Variants in BBX observed in about 807,000 individuals in gnomAD.
BBX encodes the protein BBX high mobility group box domain containing.
Under a neutral mutation model 100.2 loss-of-function variants are expected in BBX, and 30 were observed. The ratio of observed to expected loss-of-function variants is 0.30; its 90% CI spans 0.22 to 0.41. The LOEUF is 0.41. Among genes scored for constraint, BBX ranks in the 10% least tolerant of loss-of-function variants. The pLI is 1.00. For synonymous variants in BBX, 376 were observed against 388.1 expected, an observed-to-expected ratio of 0.97 and a Z score of 0.37; for missense variants, 1,023 against 1,129.8, an observed-to-expected ratio of 0.91 and a Z score of 1.35.
At chr3:107,560,750 G>T (rs1304413828) in intron 2 of BBX, among the ~76,000 whole-genome samples, 1 of 152,172 alleles carries the variant, frequency 6.6e-6, no homozygotes, top group South Asian at 2.1e-4. Flanking sequence ...TCCAGCTTAA[G>T]CTAGTACAAA....
Position 107,798,603 on chromosome 3 carries a change from CCAA to C in BBX, c.2442_2444del (p.Thr815del), listed in dbSNP as rs749994189. On this transcript the variant is annotated inframe_deletion, in exon 16 of 18. Coordinates refer to ENST00000325805, the MANE Select transcript of BBX (RefSeq NM_001142568.3). ...CCCATCCATTTTCAACACTCCAGAG[CCAA>C]CAACAACGCAAGAACCTTTGGTGGG... is the stretch of plus-strand genomic sequence containing the variant. The C allele has an allele frequency of 6.8e-6, 11 of 1,614,010 alleles. No individual in the cohort carries two copies. The highest frequency in any genetic ancestry group is 8.5e-6 in the Non-Finnish European group (10 of 1,179,950).
rs569671002 is a variant in BBX, at chr3:107,553,441, T to C, written c.-84+27043T>C. ...GCTAAGTCAGTTACCATATTGCTAC[T>C]TTCTCCCGTGCTCCCAAGTAATTAT... On this transcript the variant is annotated intron_variant, in intron 2 of 17. Transcript: ENST00000325805. Among the ~76,000 whole-genome samples the C allele has an allele frequency of 2.5e-4, 38 of 152,336 alleles. 2 individuals carry two copies. In the South Asian group the frequency reaches 5.2e-3, roughly 21 times the overall value.
intron 2 of BBX, among the ~76,000 whole-genome samples, chr3:107,547,801 C>A (rs1055953441): frequency 6.6e-6 from 1 of 151,712 alleles, no homozygotes; most frequent in Non-Finnish European, 1.5e-5. Flanking sequence ...TTCTATTGAT[C>A]TTATTCTTCA....
chr3:107,690,892 CT>C (rs66523709), intron 3 of BBX, among the ~76,000 whole-genome samples: 20 of 41,186 alleles, frequency 4.9e-4, no homozygotes, highest in African/African-American at 1.8e-3. Context: ...GCCCCCCCCC[CT>C]TTTTTTTTTT....
At chr3:107,674,180 T>G (rs1209012093) in intron 3 of BBX, among the ~76,000 whole-genome samples, 1 of 152,132 alleles carries the variant, frequency 6.6e-6, no homozygotes, top group Non-Finnish European at 1.5e-5. Context: ...AAATTAGGCA[T>G]TCACATGTAA....
At chr3:107,599,147 C>G (rs981713286) in intron 2 of BBX, among the ~76,000 whole-genome samples, 4 of 152,134 alleles carry the variant, frequency 2.6e-5, no homozygotes, top group African/African-American at 9.7e-5. Context: ...GACAGAGATT[C>G]ATACAAGGAA....
rs1348402527 is a variant in BBX, at chr3:107,807,741, T to C, written c.*2284T>C. 6.6e-6 allele frequency: 1 copy of C among 152,038 alleles called. No individual in the cohort carries two copies. The highest frequency in any genetic ancestry group is 1.5e-5 in the Non-Finnish European group (1 of 67,988). The allele number at this position is 152,038 out of a possible 1,614,324, so 9.4% of individuals were successfully genotyped here. A position where few individuals can be genotyped will look rare whatever the true frequency, so the allele number is the denominator to read the frequency against. On this transcript the variant is annotated 3_prime_UTR_variant, in exon 18 of 18. Coordinates refer to ENST00000325805, the MANE Select transcript of BBX (RefSeq NM_001142568.3). The stretch of plus-strand genomic sequence containing the variant: ...AAAAAAAAGCAAAACAAAAGATTAC[T>C]TTTTTTCTATGTGATTAATATCTTA...
intron 2 of BBX, among the ~76,000 whole-genome samples, chr3:107,611,108 A>G (rs2054817391): frequency 6.6e-6 from 1 of 152,192 alleles, no homozygotes; most frequent in Non-Finnish European, 1.5e-5. Context: ...ACAAATAAGC[A>G]AAATGAGAAC....
intron 2 of BBX, among the ~76,000 whole-genome samples, chr3:107,584,296 A>G (rs2052648293): frequency 7.2e-6 from 1 of 138,436 alleles, no homozygotes; most frequent in Non-Finnish European, 1.5e-5. Flanking sequence ...TTCTGAACTT[A>G]GTTCAACTAA....
At chr3:107,548,314 C>CA (rs1391921791) in intron 2 of BBX, among the ~76,000 whole-genome samples, 1 of 152,134 alleles carries the variant, frequency 6.6e-6, no homozygotes, top group African/African-American at 2.4e-5. Flanking sequence ...TTGCTAAAAA[C>CA]ACTTTTGCCT....
intron 2 of BBX, among the ~76,000 whole-genome samples, chr3:107,546,209 T>C (rs1473719808): frequency 6.6e-6 from 1 of 152,216 alleles, no homozygotes; most frequent in East Asian, 1.9e-4. Flanking sequence ...ACCTGGGAGC[T>C]ACTGACCATC....
At chr3:107,787,430 T>A (rs1471259892) in intron 13 of BBX, among the ~76,000 whole-genome samples, 5 of 152,158 alleles carry the variant, frequency 3.3e-5, no homozygotes, top group Admixed American at 6.5e-5. Context: ...TATATGAAAT[T>A]TCCAGAATAG....
intron 2 of BBX, among the ~76,000 whole-genome samples, chr3:107,580,076 A>C (rs768552898): frequency 6.6e-6 from 1 of 152,010 alleles, no homozygotes; most frequent in African/African-American, 2.4e-5. Flanking sequence ...AAAAGCCAAT[A>C]ATCTTTTATG....
At chr3:107,574,019 C>T (rs1040494261) in intron 2 of BBX, among the ~76,000 whole-genome samples, 9 of 152,226 alleles carry the variant, frequency 5.9e-5, no homozygotes, top group African/African-American at 2.2e-4. Flanking sequence ...GCCACCACTC[C>T]CAGCAAATCT....
intron 2 of BBX, among the ~76,000 whole-genome samples, chr3:107,602,769 G>C (rs9832655): frequency 0.11 from 16,541 of 152,266 alleles, 1,226 homozygotes; most frequent in Middle Eastern, 0.19. Flanking sequence ...ATGGATACTT[G>C]AACCGATGAG....
At chr3:107,738,658 G>A (rs1267876509) in intron 7 of BBX, among the ~76,000 whole-genome samples, 2 of 152,158 alleles carry the variant, frequency 1.3e-5, no homozygotes, top group South Asian at 2.1e-4. Context: ...GCACGCAGGG[G>A]CCTTGGTGAT....
intron 7 of BBX, among the ~76,000 whole-genome samples, chr3:107,737,280 A>G (rs900955824): frequency 7.1e-6 from 1 of 141,558 alleles, no homozygotes; most frequent in African/African-American, 2.6e-5. Flanking sequence ...GATACGCTTT[A>G]CCAGCAACAT....
Position 107,773,108 on chromosome 3 carries a change from G to A in BBX, c.1387G>A (p.Gly463Arg), listed in dbSNP as rs778636894. 1.1e-5 allele frequency: 18 copies of A among 1,613,628 alleles called. No homozygotes were observed. Among genetic ancestry groups the A allele is most frequent in the Non-Finnish European group, 1.4e-5 (17 of 1,179,944 alleles). ...GAAGAAAAGCAAAATGGATCGACAT[G>A]GAAATGATAAATCCACACCCAAGAA... ...KKKKSKMDRH[G>R]NDKSTPKKTC... The change falls in exon 11 of 18, where the codon GGA becomes AGA. Residue 463 changes from glycine (G) to arginine (R), a missense_variant. Physicochemically the swap from Gly to Arg is moderately radical, Grantham distance 125. Transcript: ENST00000325805. This position sits in a 1 kb window ranked among gnomAD's most constrained non-coding sequence, Gnocchi z 4.1.
intron 13 of BBX, among the ~76,000 whole-genome samples, chr3:107,785,548 A>G (rs988844221): frequency 6.6e-6 from 1 of 152,038 alleles, no homozygotes; most frequent in Non-Finnish European, 1.5e-5. Flanking sequence ...TTAGTGTAAC[A>G]TACCCTACTA....
Sources: allele counts gnomAD v4.1 joint callset (sites outside exome capture counted in the v4.1 genomes callset), GRCh38; gene constraint gnomAD v4.1.1; non-coding constraint Gnocchi (gnomAD v3.1); transcripts MANE v1.5; gene names NCBI Gene and HGNC (gene_info 2026-07-23, HGNC 2026-07-21).